The following SPDYE14 variants were observed in gnomAD, a reference collection of about 807,000 sequenced individuals.
SPDYE14 encodes speedy protein E14.
chr7:75,255,176 CTT>C, the SPDYE14 span, among the ~76,000 whole-genome samples: 4 of 32,464 alleles, frequency 1.2e-4, 2 homozygotes, highest in African/African-American at 1.5e-4. Context: ...TTCTCTCTCT[CTT>C]TCTTTCCTTT....
chr7:75,241,669 TAAAAA>T, the SPDYE14 span, among the ~76,000 whole-genome samples: 1,713 of 22,638 alleles, frequency 0.076, 444 homozygotes, highest in East Asian at 0.18. Flanking sequence ...TGGGTCTTGG[TAAAAA>T]AAAAAAATAT....
At chr7:75,244,783 AAAAC>A in the SPDYE14 span, among the ~76,000 whole-genome samples, 14 of 118,146 alleles carry the variant, frequency 1.2e-4, 1 homozygote, top group African/African-American at 4.0e-4. Context: ...TCTGTCTCAA[AAAAC>A]AAACAAACAA....
the SPDYE14 span, among the ~76,000 whole-genome samples, chr7:75,303,509 A>AC: frequency 2.2e-3 from 51 of 22,900 alleles, no homozygotes; most frequent in African/African-American, 6.0e-3. Flanking sequence ...ACACACACAC[A>AC]ATTAGCCAGG....
At chr7:75,279,680 G>A in the SPDYE14 span, among the ~76,000 whole-genome samples, 4 of 51,344 alleles carry the variant, frequency 7.8e-5, 1 homozygote, top group African/African-American at 1.0e-4. Flanking sequence ...CTGATCTCGT[G>A]ATCCACCCTC....
chr7:75,273,246 T>G, the SPDYE14 span, among the ~76,000 whole-genome samples: 2 of 60,846 alleles, frequency 3.3e-5, 1 homozygote, highest in Non-Finnish European at 8.6e-5. Context: ...CAATTAAAAC[T>G]CTTTTCTTGG....
chr7:75,261,017 G>T, the SPDYE14 span, among the ~76,000 whole-genome samples: 1 of 72,018 alleles, frequency 1.4e-5, no homozygotes, highest in African/African-American at 3.3e-5. Context: ...CCCAGCTACT[G>T]GGGAGGCTGA....
the SPDYE14 span, among the ~76,000 whole-genome samples, chr7:75,278,124 A>G: frequency 3.3e-5 from 2 of 59,720 alleles, 1 homozygote; most frequent in Non-Finnish European, 8.6e-5. Flanking sequence ...CCGCTCCTCT[A>G]TAGAACACAG....
the SPDYE14 span, among the ~76,000 whole-genome samples, chr7:75,279,534 T>C: frequency 3.2e-5 from 1 of 31,218 alleles, no homozygotes; most frequent in African/African-American, 9.8e-5. Context: ...TCACTGCAAG[T>C]GCCGCCTCCT....
At chr7:75,279,882 C>A in the SPDYE14 span, among the ~76,000 whole-genome samples, 8 of 35,372 alleles carry the variant, frequency 2.3e-4, 2 homozygotes, top group African/African-American at 5.9e-4. Flanking sequence ...CTGTGCCTGG[C>A]CGGAACCCAC....
chr7:75,279,496 G>A, the SPDYE14 span, among the ~76,000 whole-genome samples: 1 of 109,870 alleles, frequency 9.1e-6, no homozygotes, highest in African/African-American at 3.5e-5. Context: ...TGTAGCCCAG[G>A]CTACAGTGCA....
At chr7:75,237,821 T>C in the SPDYE14 span, 2 of 107,896 alleles carry the variant, frequency 1.9e-5, no homozygotes, top group African/African-American at 2.6e-5. Flanking sequence ...GTTGCTGCTG[T>C]TGCTGCCGCG....
the SPDYE14 span, among the ~76,000 whole-genome samples, chr7:75,272,983 C>G: frequency 1.7e-5 from 1 of 57,788 alleles, no homozygotes; most frequent in African/African-American, 4.1e-5. Context: ...GATTAAATCA[C>G]GGGGCGGATT....
chr7:75,249,876 G>C, the SPDYE14 span, among the ~76,000 whole-genome samples: 1 of 120,570 alleles, frequency 8.3e-6, no homozygotes, highest in Non-Finnish European at 1.7e-5. Context: ...CACCATGTTG[G>C]CTAGGCTGGT....
the SPDYE14 span, among the ~76,000 whole-genome samples, chr7:75,261,023 G>C: frequency 2.7e-5 from 2 of 74,040 alleles, no homozygotes; most frequent in Admixed American, 4.0e-4. Context: ...TACTGGGGAG[G>C]CTGAGGCAGG....
chr7:75,264,054 GA>G, the SPDYE14 span, among the ~76,000 whole-genome samples: 1 of 99,348 alleles, frequency 1.0e-5, no homozygotes, highest in Non-Finnish European at 2.4e-5. Context: ...TTCAACTATA[GA>G]ATGGATAAAT....
the SPDYE14 span, among the ~76,000 whole-genome samples, chr7:75,275,091 C>T: frequency 1.6e-5 from 1 of 64,124 alleles, no homozygotes; most frequent in Non-Finnish European, 4.1e-5. Flanking sequence ...GCCGCCCCCT[C>T]CGGGAGGGAG....
chr7:75,276,677 GC>G, the SPDYE14 span, among the ~76,000 whole-genome samples: 3 of 109,750 alleles, frequency 2.7e-5, no homozygotes, highest in Non-Finnish European at 5.7e-5. Flanking sequence ...CGGGAGGAAT[GC>G]TTGAGCCCAG....
At chr7:75,241,676 A>T in the SPDYE14 span, among the ~76,000 whole-genome samples, 1 of 17,502 alleles carries the variant, frequency 5.7e-5, no homozygotes, top group South Asian at 2.0e-3. Context: ...TGGTAAAAAA[A>T]AAAAATATAT....
chr7:75,241,669 TAA>T, the SPDYE14 span, among the ~76,000 whole-genome samples: 110 of 22,672 alleles, frequency 4.9e-3, 14 homozygotes, highest in African/African-American at 0.011. Context: ...TGGGTCTTGG[TAA>T]AAAAAAAAAA....
Sources: gnomAD v4.1 joint callset for allele counts (sites outside exome capture counted in the v4.1 genomes callset) on GRCh38, gnomAD v4.1.1 for gene constraint, MANE v1.5 for transcripts, NCBI Gene and HGNC (gene_info 2026-07-23, HGNC 2026-07-21) for gene names.